The following FHIP1B variants were observed in gnomAD, a reference collection of about 807,000 sequenced individuals.
FHIP1B encodes the protein FHF complex subunit HOOK interacting protein 1B.
Under a neutral mutation model 82.2 loss-of-function variants are expected in FHIP1B, and 28 were observed. The observed-to-expected ratio is 0.34, with a 90% CI of 0.25 to 0.47. FHIP1B has a LOEUF of 0.47. Ranked by LOEUF, FHIP1B falls within the 20% of genes least tolerant of loss-of-function variation. FHIP1B has a pLI of 1.00. For synonymous variants in FHIP1B, 585 were observed against 516.1 expected (o/e 1.13, Z -1.81); for missense variants, 1,110 against 1,262.6 (o/e 0.88, Z 1.83).
At position 6,211,745 on chromosome 11, in the gene FHIP1B, T is replaced by C; in HGVS notation, c.2680A>G (p.Ser894Gly). The change falls in exon 12 of 12, where the codon AGT (serine) becomes GGT (glycine). Residue 894 changes from serine (S) to glycine (G), a missense_variant. Around this residue, in one of 6 missense-constraint regions of FHIP1B, gnomAD observed 147 missense variants for 154.0 expected, o/e 0.95. Coordinates refer to ENST00000449352, the MANE Select transcript of FHIP1B (RefSeq NM_001098794.2). ...GTTGAAGCCCCAGGGGAGCCCCCAC[T>C]TAGGCCAAGTCCTGCTCCGTCTCGC... is the stretch of plus-strand genomic sequence containing the variant. ...PGRDGAGLGLSGGSPGASTPV... is the reference protein window; with the variant it reads ...PGRDGAGLGLGGGSPGASTPV... 1 of 1,614,228 alleles carries C rather than the reference T, an allele frequency of 6.2e-7. No homozygotes were observed. The highest frequency in any genetic ancestry group is 1.1e-5 in the South Asian group (1 of 91,088).
At chr11:6,226,391 A>G (rs777942622) in intron 1 of FHIP1B, among the ~76,000 whole-genome samples, 7 of 152,252 alleles carry the variant, frequency 4.6e-5, no homozygotes, top group Non-Finnish European at 1.0e-4. Flanking sequence ...AAGATGGATA[A>G]AAACAGTTGA....
chr11:6,233,943 G>A (rs149886709), intron 1 of FHIP1B, among the ~76,000 whole-genome samples: 266 of 152,262 alleles, frequency 1.7e-3, no homozygotes, highest in South Asian at 4.8e-3. Flanking sequence ...CATTACCATA[G>A]TACTATTGCC....
chr11:6,223,557 G>A lies in FHIP1B; in HGVS notation c.777+53C>T. 6.6e-7 allele frequency: 1 copy of A among 1,519,696 alleles called. No homozygotes were observed. Among genetic ancestry groups the A allele is most frequent in the Non-Finnish European group, 8.8e-7 (1 of 1,133,726 alleles). The allele number at this position is 1,519,696 out of a possible 1,614,324, so 94.1% of individuals were successfully genotyped here. ...CTCCCCATCTCCTGGATAGGAAGGT[G>A]CTGTTCAGTATCTACACACCACACC... On this transcript the variant is annotated intron_variant, in intron 3 of 11. Coordinates refer to ENST00000449352, the MANE Select transcript of FHIP1B (RefSeq NM_001098794.2). The surrounding 1 kb of genome is among the most constrained non-coding windows in gnomAD (Gnocchi z 4.8).
In FHIP1B at chr11:6,234,615, G is replaced by A. The variant is rs554908041; in HGVS notation, c.-263C>T. On this transcript the variant is annotated 5_prime_UTR_variant, in exon 1 of 12. Coordinates refer to ENST00000449352, the MANE Select transcript of FHIP1B (RefSeq NM_001098794.2). ...CGGTGTTAGGTGAGTTCAGGCCGCC[G>A]CCATCGCTTCTCAAGCGCACCAGCC... 2.6e-5 allele frequency: 4 copies of A among 153,262 alleles called. No homozygotes were observed. The South Asian group carries it at 5.9e-4, about 23-fold the overall frequency. The allele number at this position is 153,262 out of a possible 1,614,324, so 9.5% of individuals were successfully genotyped here. A position where few individuals can be genotyped will look rare whatever the true frequency, so the allele number is the denominator to read the frequency against.
chr11:6,211,558 G>A lies in FHIP1B; in HGVS notation c.2867C>T (p.Ser956Leu), dbSNP rs573240563. ...AVTSPFLLET[S>L]EEGSGPLISG... ...GATGAGAGGGCCAGATCCTTCCTCT[G>A]AAGTCTCCAACAAGAAAGGCGAGGT... Residue 956 changes from serine to leucine, a missense_variant, in exon 12 of 12, where the codon TCA becomes TTA. Transcript: ENST00000449352. 5.0e-6 allele frequency: 8 copies of A among 1,613,838 alleles called. No homozygotes were observed. In the East Asian group the frequency reaches 1.6e-4, roughly 31 times the overall value.
rs143191716 is a variant in FHIP1B, at chr11:6,217,975, C to T, written c.1611G>A (p.Arg537=). The part of the protein sequence containing the change: ...SASPASSPGR[R]PTPAEEPGEL... ...CTCCAGGCTCCTCTGCAGGGGTAGGCCGTCGGCCAGGGCTGGAGGCGGGGG... is the reference window on the plus strand; with the variant it reads ...CTCCAGGCTCCTCTGCAGGGGTAGGTCGTCGGCCAGGGCTGGAGGCGGGGG... Residue 537 remains arginine (R), a synonymous_variant, in exon 9 of 12, where the codon CGG becomes CGA. Transcript: ENST00000449352. 5.0e-6 allele frequency: 8 copies of T among 1,613,280 alleles called. No homozygotes were observed. In the East Asian group the frequency reaches 6.7e-5, roughly 13 times the overall value.
rs569379942 is a variant in FHIP1B at position 6,222,704 on chromosome 11, G to C, written c.1024-95C>G. On this transcript the variant is annotated intron_variant, in intron 5 of 11. Coordinates refer to ENST00000449352, the MANE Select transcript of FHIP1B (RefSeq NM_001098794.2). ...TTCTAAGAGAAATCAGGAGCAGACA[G>C]GGCAAAAGGGAGGAGTACTCTACCC... is the stretch of plus-strand genomic sequence containing the variant. 721 of 1,560,216 alleles carry C rather than the reference G, an allele frequency of 4.6e-4. 9 individuals are homozygous for C. In the South Asian group the frequency reaches 7.6e-3, roughly 16 times the overall value.
rs535861381 is a variant in FHIP1B at position 6,222,421 on chromosome 11, G to C, written c.1191+21C>G. On this transcript the variant is annotated intron_variant, in intron 6 of 11. Coordinates refer to ENST00000449352, the MANE Select transcript of FHIP1B (RefSeq NM_001098794.2). ...GAAGATGGGTCATCCAGGTAAGCTAGGACAGGGGTAAGGGCCATACCCGGG... is the reference window on the plus strand; with the variant it reads ...GAAGATGGGTCATCCAGGTAAGCTACGACAGGGGTAAGGGCCATACCCGGG... 161 of 1,612,900 alleles carry C rather than the reference G, an allele frequency of 1.0e-4. 2 individuals carry two copies. In the South Asian group the frequency reaches 1.7e-3, roughly 17 times the overall value.
Position 6,211,840 on chromosome 11 carries a change from TC to T in FHIP1B, c.2584del (p.Glu862SerfsTer32). Reference protein sequence around the residue: ...LVKSRRPSLGELLLRHAHSPT... With the variant: ...LVKSRRPSLGXLLLRHAHSPT... ...ACTGTGTGCATGCCGCAGGAGTAAC[TC>T]CCCCAAGGATGGCCTCCGGCTCTTC... On this transcript the variant is annotated frameshift_variant, in exon 12 of 12. Coordinates refer to ENST00000449352, the MANE Select transcript of FHIP1B (RefSeq NM_001098794.2). LOFTEE classifies it high-confidence loss of function. 2 of 1,587,452 alleles carry T rather than the reference TC, an allele frequency of 1.3e-6. No homozygotes were observed. The highest frequency in any genetic ancestry group is 1.7e-6 in the Non-Finnish European group (2 of 1,169,056).
intron 9 of FHIP1B, chr11:6,215,253 G>A (rs900765527): frequency 5.1e-6 from 1 of 197,494 alleles, no homozygotes; most frequent in African/African-American, 2.3e-5. Context: ...CGTAAAATAG[G>A]AAAATATACC....
At chr11:6,219,873 T>C (rs958375061) in intron 6 of FHIP1B, among the ~76,000 whole-genome samples, 2 of 152,180 alleles carry the variant, frequency 1.3e-5, no homozygotes, top group Admixed American at 6.5e-5. Flanking sequence ...ATTTGCTACA[T>C]GACCACGGGA....
chr11:6,232,819 T>G (rs1311057746), intron 1 of FHIP1B, among the ~76,000 whole-genome samples: 3 of 152,238 alleles, frequency 2.0e-5, no homozygotes, highest in African/African-American at 7.2e-5. Flanking sequence ...AATTAAAAAT[T>G]GGGTTGACAC....
At chr11:6,222,078 C>T (rs750507372) in intron 6 of FHIP1B, among the ~76,000 whole-genome samples, 2 of 152,182 alleles carry the variant, frequency 1.3e-5, no homozygotes, top group East Asian at 1.9e-4. Flanking sequence ...AGCAGACACA[C>T]AACCTAAAGT....
intron 6 of FHIP1B, among the ~76,000 whole-genome samples, chr11:6,219,421 G>A (rs899855581): frequency 1.3e-5 from 2 of 152,176 alleles, no homozygotes; most frequent in African/African-American, 4.8e-5. Context: ...ACAGAAACAT[G>A]GTAATTAAGT....
At position 6,224,230 on chromosome 11, in the gene FHIP1B, G is replaced by A. The variant is rs760692181; in HGVS notation, c.157C>T (p.Arg53Trp). 24 of 1,609,946 alleles carry A rather than the reference G, an allele frequency of 1.5e-5. No individual in the cohort carries two copies. Among genetic ancestry groups the A allele is most frequent in the Middle Eastern group, 1.6e-4 (1 of 6,064 alleles). ...CCAGGAGCTGCCCGAGGGCCTTGCC[G>A]CTCCAGGATTCGCACCACCTAGGGA... ...HWSQVVRILE[R>W]QGPRAAPGGA... Residue 53 changes from arginine (R) to tryptophan (W), a missense_variant, in exon 3 of 12, where the codon CGG (arginine) becomes TGG (tryptophan). Physicochemically the swap from Arg to Trp is moderately radical, Grantham distance 101. Coordinates refer to ENST00000449352, the MANE Select transcript of FHIP1B (RefSeq NM_001098794.2).
chr11:6,233,346 G>C (rs192955066), intron 1 of FHIP1B, among the ~76,000 whole-genome samples: 2 of 152,304 alleles, frequency 1.3e-5, no homozygotes, highest in African/African-American at 4.8e-5. Flanking sequence ...GGAAAATTTA[G>C]TAGTGTGAAA....
chr11:6,233,913 T>G (rs528054074), intron 1 of FHIP1B, among the ~76,000 whole-genome samples: 1 of 152,236 alleles, frequency 6.6e-6, no homozygotes, highest in Non-Finnish European at 1.5e-5. Flanking sequence ...TGTTGAAGTC[T>G]GAGCCTCAAA....
At position 6,224,297 on chromosome 11, in the gene FHIP1B, C is replaced by T. The variant is rs368050066; in HGVS notation, c.139-49G>A. The T allele has an allele frequency of 7.7e-5, 124 of 1,613,810 alleles. 2 individuals are homozygous for T. Among genetic ancestry groups the T allele is most frequent in the Middle Eastern group, 6.6e-4 (4 of 6,080 alleles). On this transcript the variant is annotated intron_variant, in intron 2 of 11. Transcript: ENST00000449352. The stretch of plus-strand genomic sequence containing the variant: ...GAAGGAATCTAAATTGATAAGGTTA[C>T]TAAATGGGATGAGGAGAATATAGAA...
intron 8 of FHIP1B, 171 bp downstream of exon 8, chr11:6,218,429 G>A: frequency 9.5e-7 from 1 of 1,049,282 alleles, no homozygotes; most frequent in Non-Finnish European, 1.4e-6. Context: ...TTTCTTTGGT[G>A]AGTGTTAAGG....
Sources: gnomAD v4.1 joint callset for allele counts (sites outside exome capture counted in the v4.1 genomes callset) on GRCh38, gnomAD v4.1.1 for gene constraint, gnomAD v4.1.1 regional missense constraint, Gnocchi (gnomAD v3.1) non-coding constraint, MANE v1.5 for transcripts, NCBI Gene and HGNC (gene_info 2026-07-23, HGNC 2026-07-21) for gene names.